The following DOCK7 variants were observed in gnomAD, a reference collection of about 807,000 sequenced individuals.
DOCK7 encodes the protein dedicator of cytokinesis protein 7.
DOCK7 carries 138 observed loss-of-function variants against 271.0 expected under a neutral mutation model. The ratio of observed to expected loss-of-function variants is 0.51; its 90% CI spans 0.44 to 0.59. The LOEUF (loss-of-function observed/expected upper bound fraction) is 0.59, where lower values mean the gene tolerates loss of function less well. DOCK7 is among the 20% of genes least tolerant of loss of function. The pLI, the probability that DOCK7 is intolerant of heterozygous loss-of-function variation, is 0.00. For synonymous variants in DOCK7, 823 were observed against 876.1 expected (o/e 0.94, Z 1.07); for missense variants, 2,066 against 2,592.4 (o/e 0.80, Z 4.41).
At chr1:62,604,258 C>T (rs200389526) in intron 14 of DOCK7, 2 of 1,611,254 alleles carry the variant, frequency 1.2e-6, no homozygotes, top group South Asian at 2.2e-5. Flanking sequence ...GATACCAATA[C>T]TTTATTTTCA....
chr1:62,512,283 G>C (rs1054105029), intron 33 of DOCK7, among the ~76,000 whole-genome samples: 3 of 152,134 alleles, frequency 2.0e-5, no homozygotes, highest in African/African-American at 7.2e-5. Context: ...ACCAACCCAT[G>C]GCCCTGGCCT....
intron 14 of DOCK7, among the ~76,000 whole-genome samples, chr1:62,614,912 T>C (rs1457001425): frequency 6.6e-6 from 1 of 151,924 alleles, no homozygotes; most frequent in African/African-American, 2.4e-5. Flanking sequence ...CATTGTTTTG[T>C]TATAACATTG....
chr1:62,611,975 T>C (rs548233228), intron 14 of DOCK7, among the ~76,000 whole-genome samples: 10 of 143,086 alleles, frequency 7.0e-5, no homozygotes, highest in African/African-American at 2.7e-4. Context: ...TGAAATCCCA[T>C]CTCTAGTAAA....
rs2149630288 is a variant in DOCK7 at position 62,633,587 on chromosome 1, G to T, written c.1036-9C>A. 1.2e-6 allele frequency: 2 copies of T among 1,602,194 alleles called. No homozygotes were observed. The highest frequency in any genetic ancestry group is 1.7e-6 in the Non-Finnish European group (2 of 1,172,760). Reference sequence around the variant, plus strand: ...TGTAGGACTTTTTCTAGCTGTCAAAGGCAAAAAAAGTTAAGATTAAGCTTT... The same window carrying T: ...TGTAGGACTTTTTCTAGCTGTCAAATGCAAAAAAAGTTAAGATTAAGCTTT... On this transcript the variant is annotated splice_polypyrimidine_tract_variant and intron_variant, in intron 9 of 49. Coordinates refer to ENST00000635253, the MANE Select transcript of DOCK7 (RefSeq NM_001367561.1).
At chr1:62,634,701 A>G in intron 9 of DOCK7, 72 bp downstream of exon 9, 5 of 1,452,566 alleles carry the variant, frequency 3.4e-6, no homozygotes, top group Admixed American at 2.2e-5. Context: ...TTGCCCTTGA[A>G]AAGTTTATAA....
At chr1:62,660,909 G>A (rs1322442883) in intron 2 of DOCK7, among the ~76,000 whole-genome samples, 1 of 152,062 alleles carries the variant, frequency 6.6e-6, no homozygotes, top group African/African-American at 2.4e-5. Flanking sequence ...GACCAGCCTA[G>A]GCAACATAGT....
chr1:62,547,964 G>A (rs1459385445), intron 22 of DOCK7, among the ~76,000 whole-genome samples: 2 of 151,966 alleles, frequency 1.3e-5, no homozygotes, highest in Non-Finnish European at 2.9e-5. Context: ...AATAGTAAGA[G>A]GGCAAACAAA....
chr1:62,618,986 C>T (rs527886056), intron 13 of DOCK7, 118 bp from the exon 14 acceptor site: 8 of 845,532 alleles, frequency 9.5e-6, no homozygotes, highest in Non-Finnish European at 1.5e-5. Context: ...ATTACAGAAA[C>T]CAAATTTATA....
intron 7 of DOCK7, among the ~76,000 whole-genome samples, chr1:62,642,475 A>G (rs1656157724): frequency 6.6e-6 from 1 of 152,032 alleles, no homozygotes; most frequent in Non-Finnish European, 1.5e-5. Context: ...TTCCACTTTC[A>G]AGCCAGTTTT....
chr1:62,607,691 A>G (rs2149554291), intron 14 of DOCK7: 1 of 152,324 alleles, frequency 6.6e-6, no homozygotes, highest in South Asian at 2.1e-4. Flanking sequence ...AAAATAACTT[A>G]CTATATGCAC....
intron 21 of DOCK7, among the ~76,000 whole-genome samples, chr1:62,555,565 CA>C (rs1456910456): frequency 6.6e-6 from 1 of 152,124 alleles, no homozygotes; most frequent in Non-Finnish European, 1.5e-5. Context: ...AAGTTATTTT[CA>C]AAGCTCATTT....
At chr1:62,485,816 C>A in intron 43 of DOCK7, 1 of 639,416 alleles carries the variant, frequency 1.6e-6, no homozygotes, top group Non-Finnish European at 1.9e-6. Context: ...TTAAGTTTTA[C>A]AAAGGAAAAG....
intron 31 of DOCK7, among the ~76,000 whole-genome samples, chr1:62,520,509 A>T (rs1162847485): frequency 1.3e-5 from 2 of 152,208 alleles, no homozygotes; most frequent in Non-Finnish European, 2.9e-5. Context: ...GCTCATCATC[A>T]CTGGTCATTA....
At chr1:62,685,954 C>T (rs940203490) in intron 1 of DOCK7, among the ~76,000 whole-genome samples, 17 of 152,126 alleles carry the variant, frequency 1.1e-4, no homozygotes, top group African/African-American at 3.6e-4. Context: ...TTCTTATTTG[C>T]ATTTTGTGTT....
rs74806291 is a variant in DOCK7, at chr1:62,469,660, A to G, written c.6212+4322T>C. Among the ~76,000 whole-genome samples the G allele has an allele frequency of 6.6e-3, 1,011 of 152,354 alleles. 13 individuals carry two copies. Among genetic ancestry groups the G allele is most frequent in the African/African-American group, 0.023 (956 of 41,588 alleles). ...GAGTGGGAGAAAATCTTCACAATCT[A>G]TGCCTCTGACAAAGGACTAATATCC... On this transcript the variant is annotated intron_variant, in intron 48 of 49. Transcript: ENST00000635253.
chr1:62,496,305 T>C, intron 38 of DOCK7, 34 bp downstream of exon 38: 1 of 1,602,742 alleles, frequency 6.2e-7, no homozygotes, highest in Non-Finnish European at 8.5e-7. Flanking sequence ...ACAAGCCTAT[T>C]TCAATTAATG....
intron 22 of DOCK7, among the ~76,000 whole-genome samples, chr1:62,547,749 A>G (rs923882346): frequency 4.6e-5 from 7 of 152,234 alleles, no homozygotes; most frequent in Admixed American, 1.3e-4. Context: ...AAGAAAGCAC[A>G]GCTAGTTTTG....
chr1:62,626,547 T>C (rs1400986308), intron 11 of DOCK7, among the ~76,000 whole-genome samples: 1 of 150,026 alleles, frequency 6.7e-6, no homozygotes, highest in Non-Finnish European at 1.5e-5. Context: ...AGAGATATCA[T>C]TTACAGACTT....
intron 25 of DOCK7, 65 bp from the exon 26 acceptor site, chr1:62,539,957 C>T (rs1354419206): frequency 2.7e-6 from 3 of 1,105,850 alleles, no homozygotes; most frequent in Non-Finnish European, 3.7e-6. Flanking sequence ...CAACTCTAAA[C>T]ACTTGGACTA....
Sources: allele counts gnomAD v4.1 joint callset (sites outside exome capture counted in the v4.1 genomes callset), GRCh38; gene constraint gnomAD v4.1.1; transcripts MANE v1.5; gene names NCBI Gene and HGNC (gene_info 2026-07-23, HGNC 2026-07-21).